The following TBC1D10A variants were observed in gnomAD, a reference collection of about 807,000 sequenced individuals.
TBC1D10A encodes the protein EBP50-PDX interactor of 64 kDa.
A neutral mutation model predicts 52.9 loss-of-function variants in TBC1D10A; 24 were observed. The observed-to-expected ratio is 0.45, with a 90% CI of 0.33 to 0.64. TBC1D10A has a LOEUF of 0.64. Ranked by LOEUF, TBC1D10A falls within the 30% of genes least tolerant of loss-of-function variation. The pLI, the probability that TBC1D10A is intolerant of heterozygous loss-of-function variation, is 0.02. For synonymous variants in TBC1D10A, 278 were observed against 282.9 expected, an observed-to-expected ratio of 0.98 and a Z score of 0.17; for missense variants, 602 against 687.9, an observed-to-expected ratio of 0.88 and a Z score of 1.40.
chr22:30,295,890 C>T, intron 3 of TBC1D10A, 47 bp from the exon 4 acceptor site: 1 of 1,553,236 alleles, frequency 6.4e-7, no homozygotes, highest in Non-Finnish European at 8.8e-7. Context: ...TGGAGGTGGG[C>T]TTTGCTGACA....
At chr22:30,316,121 G>A (rs958957993) in intron 1 of TBC1D10A, among the ~76,000 whole-genome samples, 3 of 152,184 alleles carry the variant, frequency 2.0e-5, no homozygotes, top group African/African-American at 7.2e-5. Context: ...AGACTAAAGA[G>A]CTAGATAAAT....
intron 8 of TBC1D10A, 83 bp from the exon 9 acceptor site, chr22:30,292,934 C>T (rs1293184296): frequency 1.4e-6 from 2 of 1,469,730 alleles, no homozygotes; most frequent in Non-Finnish European, 1.9e-6. Flanking sequence ...CCCCAGTCTT[C>T]CTCAGCATCC....
intron 8 of TBC1D10A, 61 bp from the exon 9 acceptor site, chr22:30,292,912 C>G: frequency 3.2e-6 from 5 of 1,571,034 alleles, no homozygotes; most frequent in African/African-American, 1.3e-5. Context: ...CCTTCTGCCT[C>G]CCAGCCTGGG....
rs990744403 is a variant in TBC1D10A, at chr22:30,293,762, G to T, written c.939C>A (p.His313Gln). The T allele has an allele frequency of 6.2e-7, 1 of 1,612,602 alleles. No individual in the cohort carries two copies. The highest frequency in any genetic ancestry group is 8.5e-7 in the Non-Finnish European group (1 of 1,179,286). ...TGACCTTCTCAGGGGAGCCCAGCGC[G>T]TGCTTCAGCAGCACCAGCCCCACCC... Reference protein sequence around the residue: ...IFRVGLVLLKHALGSPEKVKA... With the variant: ...IFRVGLVLLKQALGSPEKVKA... Residue 313 changes from histidine (H) to glutamine (Q), a missense_variant, in exon 8 of 9, where the codon CAC (histidine) becomes CAA (glutamine). By Grantham distance (24) the His-to-Gln change is conservative (BLOSUM62 0). Around this residue, in one of 3 missense-constraint regions of TBC1D10A, gnomAD observed 265 missense variants for 275.1 expected, o/e 0.96. Transcript: ENST00000215790.
At chr22:30,326,537 G>C in intron 1 of TBC1D10A, 136 bp downstream of exon 1, 1 of 823,234 alleles carries the variant, frequency 1.2e-6, no homozygotes, top group Non-Finnish European at 1.8e-6. Context: ...GGTGGGGGTG[G>C]GGCAGGGGAG....
chr22:30,308,923 G>A (rs1307972509), intron 1 of TBC1D10A, among the ~76,000 whole-genome samples: 1 of 152,230 alleles, frequency 6.6e-6, no homozygotes, highest in Admixed American at 6.5e-5. Flanking sequence ...CAGAAAGGTT[G>A]TATGACTTGG....
chr22:30,308,332 ATGCC>A (rs1312315017), intron 1 of TBC1D10A, among the ~76,000 whole-genome samples: 2 of 45,538 alleles, frequency 4.4e-5, no homozygotes, highest in African/African-American at 1.1e-4. Flanking sequence ...GCATGCCTGC[ATGCC>A]TGCCTGCCTG....
At chr22:30,293,134 A>G in intron 8 of TBC1D10A, 1 of 631,868 alleles carries the variant, frequency 1.6e-6, no homozygotes, top group South Asian at 1.8e-5. Context: ...AGACCCAGAC[A>G]GACAAAAACC....
intron 1 of TBC1D10A, among the ~76,000 whole-genome samples, chr22:30,305,302 T>A (rs751449400): frequency 8.5e-5 from 13 of 152,238 alleles, no homozygotes; most frequent in Non-Finnish European, 1.5e-4. Flanking sequence ...GGATGGGTTA[T>A]GGGGATGCCG....
At chr22:30,300,546 T>C (rs1428008037) in intron 2 of TBC1D10A, 1 of 152,030 alleles carries the variant, frequency 6.6e-6, no homozygotes, top group Non-Finnish European at 1.5e-5. Context: ...GCGGCTCAGC[T>C]GCAGCCACAG....
At position 30,292,662 on chromosome 22, in the gene TBC1D10A, G is replaced by C; in HGVS notation, c.1240C>G (p.Leu414Val). 1 of 1,610,338 alleles carries C rather than the reference G, an allele frequency of 6.2e-7. No individual in the cohort carries two copies. The highest frequency in any genetic ancestry group is 8.5e-7 in the Non-Finnish European group (1 of 1,178,120). The change falls in exon 9 of 9, where the codon CTA becomes GTA. Residue 414 changes from leucine (L) to valine (V), a missense_variant. Leu to Val is a conservative substitution (Grantham distance 32). This residue lies in a region of TBC1D10A where 265 missense variants were observed against 275.1 expected (regional missense o/e 0.96). Coordinates refer to ENST00000215790, the MANE Select transcript of TBC1D10A (RefSeq NM_031937.3). ...TTGGAGCCAGGGAGGGGGGCATCTA[G>C]GGGCAGGCGGATGGATGGTGAAGGT... is the stretch of plus-strand genomic sequence containing the variant. The part of the protein sequence containing the change: ...LQPSPSIRLP[L>V]DAPLPGSKAK...
At chr22:30,293,898 T>TC (rs765807379) in intron 7 of TBC1D10A, 23 bp downstream of exon 7, 6 of 1,605,542 alleles carry the variant, frequency 3.7e-6, no homozygotes, top group East Asian at 2.2e-5. Context: ...ACAGGGGTGC[T>TC]CCCCCCAAGC....
intron 1 of TBC1D10A, among the ~76,000 whole-genome samples, chr22:30,325,052 C>T (rs1930737906): frequency 6.6e-6 from 1 of 152,198 alleles, no homozygotes; most frequent in Admixed American, 6.5e-5. Context: ...GGGTCCTAAT[C>T]CCAGGTGACT....
At chr22:30,308,296 C>CTGCCTGCCTGCA (rs1569162172) in intron 1 of TBC1D10A, among the ~76,000 whole-genome samples, 5 of 76,476 alleles carry the variant, frequency 6.5e-5, no homozygotes, top group Non-Finnish European at 1.3e-4. Context: ...GCCTGCATGC[C>CTGCCTGCCTGCA]TGCATGCCTG....
chr22:30,313,804 G>A (rs1340687995), intron 1 of TBC1D10A, among the ~76,000 whole-genome samples: 1 of 151,940 alleles, frequency 6.6e-6, no homozygotes, highest in African/African-American at 2.4e-5. Context: ...CCTCTACCTT[G>A]ATATCAGGTG....
chr22:30,312,179 C>CT (rs1197171560), intron 1 of TBC1D10A, among the ~76,000 whole-genome samples: 1 of 152,248 alleles, frequency 6.6e-6, no homozygotes, highest in Non-Finnish European at 1.5e-5. Flanking sequence ...TTGCTGGTGA[C>CT]TGAGTCCTTG....
rs1012479742 is a variant in TBC1D10A at position 30,297,115 on chromosome 22, C to G, written c.418-1272G>C. 4 of 152,322 alleles carry G rather than the reference C, an allele frequency of 2.6e-5. No individual in the cohort carries two copies. Among genetic ancestry groups the G allele is most frequent in the African/African-American group, 9.6e-5 (4 of 41,458 alleles). The allele number at this position is 152,322 out of a possible 1,614,324, so 9.4% of individuals were successfully genotyped here. A position where few individuals can be genotyped will look rare whatever the true frequency, so the allele number is the denominator to read the frequency against. ...AGTGGGAGTGTCCTAGCATTAAGCT[C>G]AAGAACCTAGGGTGCCAGGAACTTG... On this transcript the variant is annotated intron_variant, in intron 3 of 8. Coordinates refer to ENST00000215790, the MANE Select transcript of TBC1D10A (RefSeq NM_031937.3). The surrounding 1 kb of genome is among the most constrained non-coding windows in gnomAD (Gnocchi z 4.3).
At chr22:30,306,415 A>G (rs891557253) in intron 1 of TBC1D10A, among the ~76,000 whole-genome samples, 1 of 152,190 alleles carries the variant, frequency 6.6e-6, no homozygotes, top group Non-Finnish European at 1.5e-5. Context: ...CCATTCTCCC[A>G]ACTGCAGATA....
intron 1 of TBC1D10A, among the ~76,000 whole-genome samples, chr22:30,312,351 T>A (rs948104459): frequency 4.6e-5 from 7 of 152,298 alleles, no homozygotes; most frequent in Non-Finnish European, 7.4e-5. Flanking sequence ...GCCCTCATTA[T>A]CCAACAGAAA....
Sources: gnomAD v4.1 joint callset for allele counts (sites outside exome capture counted in the v4.1 genomes callset) on GRCh38, gnomAD v4.1.1 for gene constraint, gnomAD v4.1.1 regional missense constraint, Gnocchi (gnomAD v3.1) non-coding constraint, MANE v1.5 for transcripts, NCBI Gene and HGNC (gene_info 2026-07-23, HGNC 2026-07-21) for gene names.